SGPP2: variants seen among roughly 807,000 people sequenced by gnomAD.
SGPP2 encodes sphingosine-1-phosphate phosphatase 2.
Under a neutral mutation model 33.9 loss-of-function variants are expected in SGPP2, and 30 were observed. The ratio of observed to expected loss-of-function variants is 0.89; its 90% CI spans 0.66 to 1.20. The LOEUF is 1.20. Ranked by LOEUF, SGPP2 falls within the 50% of genes most tolerant of loss-of-function variation. The pLI is 0.00. For synonymous variants in SGPP2, 233 were observed against 225.0 expected (o/e 1.04, Z -0.32); for missense variants, 458 against 532.1 (o/e 0.86, Z 1.37).
intron 1 of SGPP2, among the ~76,000 whole-genome samples, chr2:222,425,489 C>T (rs764826430): frequency 6.6e-6 from 1 of 152,216 alleles, no homozygotes; most frequent in Non-Finnish European, 1.5e-5. Flanking sequence ...GGGAGGGAAG[C>T]TCGCTACGCT....
At chr2:222,488,879 T>C (rs1365884959) in intron 2 of SGPP2, among the ~76,000 whole-genome samples, 3 of 152,210 alleles carry the variant, frequency 2.0e-5, no homozygotes, top group South Asian at 2.1e-4. Flanking sequence ...CTTCTCGCAT[T>C]CACAGGCACT....
intron 2 of SGPP2, among the ~76,000 whole-genome samples, chr2:222,478,812 T>C (rs1267158573): frequency 6.6e-6 from 1 of 152,184 alleles, no homozygotes; most frequent in Non-Finnish European, 1.5e-5. Flanking sequence ...TATCAAGTGC[T>C]CTCTCCTCAC....
At chr2:222,472,331 C>T (rs1697857197) in intron 1 of SGPP2, among the ~76,000 whole-genome samples, 1 of 151,954 alleles carries the variant, frequency 6.6e-6, no homozygotes, top group African/African-American at 2.4e-5. Flanking sequence ...TTAATTAATG[C>T]AGGGCCCACT....
At chr2:222,461,840 C>A (rs1159264091) in intron 1 of SGPP2, among the ~76,000 whole-genome samples, 3 of 152,120 alleles carry the variant, frequency 2.0e-5, no homozygotes, top group Non-Finnish European at 4.4e-5. Context: ...GGGTTGGGGA[C>A]CTGCTCTTAG....
intron 1 of SGPP2, among the ~76,000 whole-genome samples, chr2:222,432,670 A>T (rs1240801935): frequency 6.6e-6 from 1 of 152,208 alleles, no homozygotes; most frequent in Non-Finnish European, 1.5e-5. Context: ...AGAAGCCTCA[A>T]GACACAGGAA....
At chr2:222,501,695 G>T (rs1176276123) in intron 2 of SGPP2, among the ~76,000 whole-genome samples, 3 of 152,116 alleles carry the variant, frequency 2.0e-5, no homozygotes, top group Non-Finnish European at 1.5e-5. Context: ...TTGTCTCAGG[G>T]TAAGTCAAGA....
Position 222,460,366 on chromosome 2 carries a change from C to T in SGPP2, c.220-14202C>T. On this transcript the variant is annotated intron_variant, in intron 1 of 4. Coordinates refer to ENST00000321276, the MANE Select transcript of SGPP2 (RefSeq NM_152386.4). This position sits in a 1 kb window ranked among gnomAD's most constrained non-coding sequence, Gnocchi z 4.3. ...GGAGCGCAGGGAGGCTCCAGTGGGGCTGCTGGGCTGTGGATGGCAGAGGCT... is the reference window on the plus strand; with the variant it reads ...GGAGCGCAGGGAGGCTCCAGTGGGGTTGCTGGGCTGTGGATGGCAGAGGCT... 6.6e-6 allele frequency among the ~76,000 whole-genome samples: 1 copy of T among 152,236 alleles called. No individual in the cohort carries two copies. Among genetic ancestry groups the T allele is most frequent in the East Asian group, 1.9e-4 (1 of 5,180 alleles).
intron 2 of SGPP2, among the ~76,000 whole-genome samples, chr2:222,491,632 G>A (rs1237585194): frequency 6.6e-6 from 1 of 152,088 alleles, no homozygotes; most frequent in Non-Finnish European, 1.5e-5. Flanking sequence ...CAGATTATGG[G>A]GTTACCATTT....
At chr2:222,554,752 CA>C (rs901916823) in intron 4 of SGPP2, among the ~76,000 whole-genome samples, 54 of 152,252 alleles carry the variant, frequency 3.5e-4, no homozygotes, top group African/African-American at 1.1e-3. Flanking sequence ...GGAACCTCGC[CA>C]GGGGTCCAGA....
Position 222,465,286 on chromosome 2 carries a change from T to C in SGPP2, c.220-9282T>C, listed in dbSNP as rs1036188915. Among the ~76,000 whole-genome samples, 13 of 152,368 alleles carry C rather than the reference T, an allele frequency of 8.5e-5. No homozygotes were observed. The highest frequency in any genetic ancestry group is 3.1e-4 in the African/African-American group (13 of 41,586). On this transcript the variant is annotated intron_variant, in intron 1 of 4. Transcript: ENST00000321276. The surrounding 1 kb of genome is among the most constrained non-coding windows in gnomAD (Gnocchi z 4.1). ...ACCCAACTTGTAATTCTATCTGGACTTGAAGATGAAAGAAGAAGCCCTCGT... is the reference window on the plus strand; with the variant it reads ...ACCCAACTTGTAATTCTATCTGGACCTGAAGATGAAAGAAGAAGCCCTCGT...
At chr2:222,494,801 TC>T (rs879423529) in intron 2 of SGPP2, among the ~76,000 whole-genome samples, 2 of 152,206 alleles carry the variant, frequency 1.3e-5, no homozygotes, top group Non-Finnish European at 2.9e-5. Flanking sequence ...CTCTCTTTTT[TC>T]CCCCCTCTTC....
At chr2:222,470,534 A>G (rs918403528) in intron 1 of SGPP2, among the ~76,000 whole-genome samples, 2 of 152,238 alleles carry the variant, frequency 1.3e-5, no homozygotes, top group Admixed American at 6.5e-5. Context: ...AGATTGTAAT[A>G]AAGCCTGTCT....
rs1044769461 is a variant in SGPP2 at position 222,562,478 on chromosome 2, A to G, written c.*3580A>G. Reference sequence around the variant, plus strand: ...CAACTCATGCTTCCTGAGTGTAATCAAAGCATGTGGTGTTTTGGGGCCATA... The same window carrying G: ...CAACTCATGCTTCCTGAGTGTAATCGAAGCATGTGGTGTTTTGGGGCCATA... On this transcript the variant is annotated 3_prime_UTR_variant, in exon 5 of 5. Coordinates refer to ENST00000321276, the MANE Select transcript of SGPP2 (RefSeq NM_152386.4). 2.2e-4 allele frequency among the ~76,000 whole-genome samples: 33 copies of G among 152,344 alleles called. No individual in the cohort carries two copies. The highest frequency in any genetic ancestry group is 7.7e-4 in the African/African-American group (32 of 41,582).
Position 222,460,941 on chromosome 2 carries a change from G to T in SGPP2, c.220-13627G>T, listed in dbSNP as rs533526635. Among the ~76,000 whole-genome samples the T allele has an allele frequency of 4.6e-5, 7 of 152,172 alleles. No individual in the cohort carries two copies. The highest frequency in any genetic ancestry group is 1.7e-4 in the African/African-American group (7 of 41,504). ...CAATGGGATCTCACTCTGTTGCCCA[G>T]GCTGAAGTGCAGTGGCATGATAATA... is the stretch of plus-strand genomic sequence containing the variant. On this transcript the variant is annotated intron_variant, in intron 1 of 4. Coordinates refer to ENST00000321276, the MANE Select transcript of SGPP2 (RefSeq NM_152386.4). This position sits in a 1 kb window ranked among gnomAD's most constrained non-coding sequence, Gnocchi z 4.3.
At position 222,525,593 on chromosome 2, in the gene SGPP2, G is replaced by A. The variant is rs569821344; in HGVS notation, c.648+560G>A. 1.3e-3 allele frequency among the ~76,000 whole-genome samples: 191 copies of A among 152,254 alleles called. 1 individual carries two copies. The highest frequency in any genetic ancestry group is 2.2e-3 in the Non-Finnish European group (152 of 68,024). On this transcript the variant is annotated intron_variant, in intron 4 of 4. Transcript: ENST00000321276. ...TTACCATATTAGAAATATTTTCCAG[G>A]GCCGCCATGATTGGCACAGTTAAAA... is the stretch of plus-strand genomic sequence containing the variant.
intron 1 of SGPP2, among the ~76,000 whole-genome samples, chr2:222,445,915 A>T (rs1264683069): frequency 6.6e-6 from 1 of 152,192 alleles, no homozygotes; most frequent in Non-Finnish European, 1.5e-5. Context: ...TGCAGAATGT[A>T]AAGGGTTCAG....
intron 1 of SGPP2, 85 bp downstream of exon 1, chr2:222,424,906 G>A (rs902908321): frequency 3.2e-5 from 36 of 1,131,328 alleles, no homozygotes; most frequent in Non-Finnish European, 3.7e-5. Context: ...CGCGGGGCCG[G>A]CCGGGCCGAG....
chr2:222,496,504 A>G (rs1365650303), intron 2 of SGPP2, among the ~76,000 whole-genome samples: 1 of 152,128 alleles, frequency 6.6e-6, no homozygotes, highest in African/African-American at 2.4e-5. Flanking sequence ...TATACCTTCA[A>G]ATCCATCCTC....
chr2:222,444,779 GA>G (rs1697375364), intron 1 of SGPP2, among the ~76,000 whole-genome samples: 1 of 152,238 alleles, frequency 6.6e-6, no homozygotes, highest in Admixed American at 6.5e-5. Flanking sequence ...AGGTGCAGCA[GA>G]AGATCTCAGG....
Sources: allele counts gnomAD v4.1 joint callset (sites outside exome capture counted in the v4.1 genomes callset), GRCh38; gene constraint gnomAD v4.1.1; non-coding constraint Gnocchi (gnomAD v3.1); transcripts MANE v1.5; gene names NCBI Gene and HGNC (gene_info 2026-07-23, HGNC 2026-07-21).